The following LAMP5 variants were observed in gnomAD, a reference collection of about 807,000 sequenced individuals.
The protein encoded by LAMP5 is lysosome associated membrane protein 5, also known as lysosome-associated membrane glycoprotein 5.
LAMP5 carries 36 observed loss-of-function variants against 30.2 expected under a neutral mutation model. The observed-to-expected ratio is 1.19, with a 90% CI of 0.91 to 1.57. The LOEUF (loss-of-function observed/expected upper bound fraction) is 1.57. Ranked by LOEUF, LAMP5 falls within the 40% of genes most tolerant of loss-of-function variation. The pLI, the probability that LAMP5 is intolerant of heterozygous loss-of-function variation, is 0.00. For missense variants in LAMP5, 377 were observed against 354.9 expected (o/e 1.06, Z -0.50); for synonymous variants, 149 against 134.6 (o/e 1.11, Z -0.74).
Position 9,518,180 on chromosome 20 carries a change from G to C in LAMP5, c.616G>C (p.Val206Leu). ...GACGGTCACCATGATCCTGTCTGCG[G>C]TCCACATCCAACCTTTTGACATTAT... ...QKTVTMILSA[V>L]HIQPFDIISD... The change falls in exon 5 of 6, where the codon GTC (valine) becomes CTC (leucine). Residue 206 changes from valine to leucine, a missense_variant. By Grantham distance (32) the Val-to-Leu change is conservative. Coordinates refer to ENST00000246070, the MANE Select transcript of LAMP5 (RefSeq NM_012261.4). 6.2e-7 allele frequency: 1 copy of C among 1,614,204 alleles called. No individual in the cohort carries two copies. The highest frequency in any genetic ancestry group is 8.5e-7 in the Non-Finnish European group (1 of 1,180,032).
intron 4 of LAMP5, among the ~76,000 whole-genome samples, chr20:9,517,089 G>A (rs747184497): frequency 5.3e-5 from 8 of 152,134 alleles, no homozygotes; most frequent in Non-Finnish European, 8.8e-5. Flanking sequence ...GTTGGGAAAG[G>A]ATTTTTATTG....
chr20:9,514,852 T>C lies in LAMP5; in HGVS notation c.-1T>C. ...CCGGCCTCATTCGGGGCACTGCGAG[T>C]ATGGATCTCCAAGGAAGAGGGGTCC... On this transcript the variant is annotated 5_prime_UTR_variant, in exon 1 of 6. Coordinates refer to ENST00000246070, the MANE Select transcript of LAMP5 (RefSeq NM_012261.4). 2.5e-6 allele frequency: 4 copies of C among 1,613,858 alleles called. No homozygotes were observed. Among genetic ancestry groups the C allele is most frequent in the Non-Finnish European group, 3.4e-6 (4 of 1,179,946 alleles).
At position 9,515,559 on chromosome 20, in the gene LAMP5, T is replaced by G. The variant is rs1199409066; in HGVS notation, c.171T>G (p.Cys57Trp). The G allele has an allele frequency of 1.2e-6, 2 of 1,614,186 alleles. No homozygotes were observed. Among genetic ancestry groups the G allele is most frequent in the Non-Finnish European group, 1.7e-6 (2 of 1,180,026 alleles). ...IFVVRENGTT[C>W]LMAEFAAKFI... ...TGGTGCGGGAAAATGGGACGACGTGTCTCATGGCAGAGTTTGCAGCCAAAT... is the reference window on the plus strand; with the variant it reads ...TGGTGCGGGAAAATGGGACGACGTGGCTCATGGCAGAGTTTGCAGCCAAAT... The change falls in exon 2 of 6, where the codon TGT (cysteine) becomes TGG (tryptophan). Residue 57 changes from cysteine to tryptophan, a missense_variant. By Grantham distance (215) the Cys-to-Trp change is radical. Transcript: ENST00000246070.
intron 4 of LAMP5, 130 bp downstream of exon 4, chr20:9,516,491 G>C (rs2045041168): frequency 2.6e-6 from 2 of 761,798 alleles, no homozygotes; most frequent in African/African-American, 1.7e-5. Flanking sequence ...CCCTCGGCTT[G>C]CTCTTTAGGG....
intron 5 of LAMP5, among the ~76,000 whole-genome samples, chr20:9,526,858 GTGTATATA>G (rs1219947123): frequency 0.025 from 2,287 of 90,600 alleles, 42 homozygotes; most frequent in African/African-American, 0.047. Context: ...ATGTGTGTGT[GTGTATATA>G]TATATATATA....
Position 9,529,853 on chromosome 20 carries a change from C to T in LAMP5, c.*33C>T, listed in dbSNP as rs767710603. 3.7e-6 allele frequency: 6 copies of T among 1,602,686 alleles called. No individual in the cohort carries two copies. The highest frequency in any genetic ancestry group is 5.1e-6 in the Non-Finnish European group (6 of 1,170,688). ...TAGGCAGGCACCCCCTATTCCTGCT[C>T]CCCCAACTGGATCAGGTAGAACAAC... is the stretch of plus-strand genomic sequence containing the variant. On this transcript the variant is annotated 3_prime_UTR_variant, in exon 6 of 6. Transcript: ENST00000246070.
chr20:9,526,860 G>GTATATATATATATATATATATATA (rs201564418), intron 5 of LAMP5, among the ~76,000 whole-genome samples: 1 of 80,232 alleles, frequency 1.2e-5, no homozygotes, highest in Admixed American at 1.6e-4. Context: ...GTGTGTGTGT[G>GTATATATATATATATATATATATA]TATATATATA....
At chr20:9,526,201 T>A (rs56234787) in intron 5 of LAMP5, among the ~76,000 whole-genome samples, 8,882 of 152,302 alleles carry the variant, frequency 0.058, 866 homozygotes, top group African/African-American at 0.2. Flanking sequence ...TTATTTTTAC[T>A]GTTTAACACA....
intron 1 of LAMP5, 196 bp downstream of exon 1, chr20:9,515,112 C>A: frequency 1.6e-6 from 1 of 623,944 alleles, no homozygotes; most frequent in Non-Finnish European, 2.8e-6. Context: ...AGCCATACAC[C>A]TCTGTGGCAT....
intron 5 of LAMP5, among the ~76,000 whole-genome samples, chr20:9,527,400 T>G (rs752290139): frequency 3.3e-5 from 5 of 152,232 alleles, no homozygotes; most frequent in Non-Finnish European, 5.9e-5. Context: ...GGACTAAGAA[T>G]GTCAAGTATA....
rs1041802502 is a variant in LAMP5, at chr20:9,514,745, T to G, written c.-108T>G. 1 of 952,068 alleles carries G rather than the reference T, an allele frequency of 1.1e-6. No individual in the cohort carries two copies. The allele number at this position is 952,068 out of a possible 1,614,324, so 59.0% of individuals were successfully genotyped here. A position where few individuals can be genotyped will look rare whatever the true frequency, so the allele number is the denominator to read the frequency against. ...GCGCTCCCTCCCTCCCCCTTCTCTG[T>G]CCCCCGCCTCTCGCTCACCCCGGCC... On this transcript the variant is annotated 5_prime_UTR_variant, in exon 1 of 6. Coordinates refer to ENST00000246070, the MANE Select transcript of LAMP5 (RefSeq NM_012261.4).
rs759637113 is a variant in LAMP5, at chr20:9,529,838, C to A, written c.*18C>A. The stretch of plus-strand genomic sequence containing the variant: ...TGGGCTAGAGGCCGTTAGGCAGGCA[C>A]CCCCTATTCCTGCTCCCCCAACTGG... On this transcript the variant is annotated 3_prime_UTR_variant, in exon 6 of 6. Transcript: ENST00000246070. 2 of 1,611,318 alleles carry A rather than the reference C, an allele frequency of 1.2e-6. No homozygotes were observed. The highest frequency in any genetic ancestry group is 1.3e-5 in the African/African-American group (1 of 75,018).
intron 5 of LAMP5, among the ~76,000 whole-genome samples, chr20:9,521,764 G>C (rs1237717998): frequency 6.6e-6 from 1 of 152,130 alleles, no homozygotes; most frequent in Non-Finnish European, 1.5e-5. Flanking sequence ...CGCTGGGAGG[G>C]AACAAACCAG....
In LAMP5 at chr20:9,515,472, G is replaced by A; in HGVS notation, c.84G>A (p.Met28Ile). The A allele has an allele frequency of 2.5e-6, 4 of 1,613,976 alleles. No homozygotes were observed. The highest frequency in any genetic ancestry group is 1.6e-4 in the Middle Eastern group (1 of 6,062). Reference sequence around the variant, plus strand: ...CCGCAGATACAATGGCTCAAATCATGGCAGAACAAGAAGTGGAAAATCTCT... The same window carrying A: ...CCGCAGATACAATGGCTCAAATCATAGCAGAACAAGAAGTGGAAAATCTCT... The part of the protein sequence containing the change: ...LMLFHTMAQI[M>I]AEQEVENLSG... The change falls in exon 2 of 6, where the codon ATG (methionine) becomes ATA (isoleucine). Residue 28 changes from methionine (M) to isoleucine (I), a missense_variant. Coordinates refer to ENST00000246070, the MANE Select transcript of LAMP5 (RefSeq NM_012261.4).
Position 9,515,433 on chromosome 20 carries a change from T to C in LAMP5, c.65-20T>C. The C allele has an allele frequency of 6.2e-7, 1 of 1,608,464 alleles. No individual in the cohort carries two copies. The highest frequency in any genetic ancestry group is 1.7e-4 in the Middle Eastern group (1 of 6,042). On this transcript the variant is annotated intron_variant, in intron 1 of 5. Transcript: ENST00000246070. The stretch of plus-strand genomic sequence containing the variant: ...TGGGCTGAGCCCTGAACTGATGGAA[T>C]TGTTTTGTTTGTTCCGCAGATACAA...
chr20:9,527,189 T>C (rs1051399922), intron 5 of LAMP5, among the ~76,000 whole-genome samples: 1 of 152,120 alleles, frequency 6.6e-6, no homozygotes, highest in African/African-American at 2.4e-5. Context: ...TTAATGCCAG[T>C]AGTTTAGGTC....
chr20:9,526,508 C>A (rs55938107), intron 5 of LAMP5, among the ~76,000 whole-genome samples: 8,960 of 152,152 alleles, frequency 0.059, 882 homozygotes, highest in African/African-American at 0.2. Context: ...ATCATACTGG[C>A]GAAGAAGACC....
At chr20:9,516,940 C>A (rs1158981579) in intron 4 of LAMP5, among the ~76,000 whole-genome samples, 1 of 152,130 alleles carries the variant, frequency 6.6e-6, no homozygotes, top group Non-Finnish European at 1.5e-5. Context: ...AGATCCTCCT[C>A]GGCAAAACGA....
chr20:9,526,112 G>A (rs1358519129), intron 5 of LAMP5, among the ~76,000 whole-genome samples: 2 of 152,228 alleles, frequency 1.3e-5, no homozygotes, highest in Non-Finnish European at 1.5e-5. Context: ...GCCTACTCAA[G>A]TAGCAGCCTG....
Sources: allele counts gnomAD v4.1 joint callset (sites outside exome capture counted in the v4.1 genomes callset), GRCh38; gene constraint gnomAD v4.1.1; transcripts MANE v1.5; gene names NCBI Gene and HGNC (gene_info 2026-07-23, HGNC 2026-07-21).